The following SLAIN2 variants were observed in gnomAD, a reference collection of about 807,000 sequenced individuals.
SLAIN2 encodes SLAIN motif-containing protein 2.
Under a neutral mutation model 56.6 loss-of-function variants are expected in SLAIN2, and 31 were observed. That is an observed-to-expected ratio of 0.55 (90% CI 0.41 to 0.74). SLAIN2 has a LOEUF of 0.74. Among genes scored for constraint, SLAIN2 ranks in the 30% least tolerant of loss-of-function variants. The pLI is 0.00. For synonymous variants in SLAIN2, 317 were observed against 284.9 expected (o/e 1.11, Z -1.13); for missense variants, 777 against 754.2 (o/e 1.03, Z -0.35).
At chr4:48,405,977 T>A (rs1212187567) in intron 6 of SLAIN2, among the ~76,000 whole-genome samples, 2 of 152,336 alleles carry the variant, frequency 1.3e-5, no homozygotes, top group Non-Finnish European at 1.5e-5. Flanking sequence ...ACGTATTTTT[T>A]AATACATTTC....
intron 6 of SLAIN2, among the ~76,000 whole-genome samples, chr4:48,392,576 T>G (rs6848395): frequency 0.028 from 4,253 of 151,998 alleles, 66 homozygotes; most frequent in Admixed American, 0.045. Context: ...TTCAAACATA[T>G]CAGGCATGGT....
rs1716025651 is a variant in SLAIN2 at position 48,383,593 on chromosome 4, A to C, written c.1223-54A>C. ...ATTTTTGAATGCTAGTTAATATTTT[A>C]ATTTTCTCCATCTGAAAGAATATGA... On this transcript the variant is annotated intron_variant, in intron 5 of 7. Coordinates refer to ENST00000264313, the MANE Select transcript of SLAIN2 (RefSeq NM_020846.2). The C allele has an allele frequency of 1.3e-5, 18 of 1,414,394 alleles. 1 individual carries two copies. The South Asian group carries it at 2.7e-4, about 22-fold the overall frequency. 87.6% of individuals were successfully genotyped at this position (1,414,394 alleles called of 1,614,324 possible). A position where few individuals can be genotyped will look rare whatever the true frequency, so the allele number is the denominator to read the frequency against.
intron 6 of SLAIN2, among the ~76,000 whole-genome samples, chr4:48,384,678 A>G (rs1452277230): frequency 3.3e-4 from 50 of 152,176 alleles, no homozygotes. Flanking sequence ...GTGGTTACTA[A>G]CCCATGAATG....
intron 2 of SLAIN2, among the ~76,000 whole-genome samples, chr4:48,374,697 A>T (rs1394899855): frequency 6.6e-6 from 1 of 152,172 alleles, no homozygotes; most frequent in Non-Finnish European, 1.5e-5. Flanking sequence ...GCAAGAGTGA[A>T]TGTAGGATGC....
intron 1 of SLAIN2, among the ~76,000 whole-genome samples, chr4:48,363,471 G>C (rs1456502151): frequency 1.5e-5 from 1 of 65,546 alleles, no homozygotes; most frequent in Admixed American, 1.3e-4. Context: ...TCCCGGACGG[G>C]GCGGCTGGCC....
chr4:48,374,031 T>TC (rs1479724362), intron 2 of SLAIN2, among the ~76,000 whole-genome samples: 1 of 151,328 alleles, frequency 6.6e-6, no homozygotes, highest in African/African-American at 2.4e-5. Context: ...AGAGTGAAAC[T>TC]CCATCTCAGA....
intron 1 of SLAIN2, among the ~76,000 whole-genome samples, chr4:48,352,027 A>AC (rs1715024776): frequency 6.6e-6 from 1 of 152,244 alleles, no homozygotes; most frequent in African/African-American, 2.4e-5. Context: ...TTGTTAGGGA[A>AC]CAAGTGAGAA....
At chr4:48,394,766 T>G (rs1716335571) in intron 6 of SLAIN2, 1 of 708,320 alleles carries the variant, frequency 1.4e-6, no homozygotes, top group Non-Finnish European at 2.3e-6. Flanking sequence ...AGTCTTATTT[T>G]AAAGAATAAT....
intron 1 of SLAIN2, among the ~76,000 whole-genome samples, chr4:48,346,095 A>G (rs773480211): frequency 1.9e-4 from 29 of 152,330 alleles, no homozygotes; most frequent in Admixed American, 1.2e-3. Context: ...TAAAATAGCC[A>G]TTGCAGTTGA....
intron 6 of SLAIN2, among the ~76,000 whole-genome samples, chr4:48,402,127 G>A (rs1378502532): frequency 6.6e-6 from 1 of 151,876 alleles, no homozygotes; most frequent in African/African-American, 2.4e-5. Flanking sequence ...TAGTGTTTAT[G>A]CTGAGAGGTC....
intron 6 of SLAIN2, among the ~76,000 whole-genome samples, chr4:48,384,675 C>A (rs1716058404): frequency 6.6e-6 from 1 of 152,136 alleles, no homozygotes; most frequent in African/African-American, 2.4e-5. Context: ...TGGGTGGTTA[C>A]TAACCCATGA....
chr4:48,395,433 T>TA (rs1716350651), intron 6 of SLAIN2, among the ~76,000 whole-genome samples: 1 of 147,088 alleles, frequency 6.8e-6, no homozygotes, highest in Non-Finnish European at 1.5e-5. Flanking sequence ...AAGAAGAAAT[T>TA]AGATTTTTTT....
intron 1 of SLAIN2, among the ~76,000 whole-genome samples, chr4:48,366,047 T>A (rs1279713837): frequency 6.6e-6 from 1 of 152,260 alleles, no homozygotes; most frequent in African/African-American, 2.4e-5. Context: ...AGTTTCTGAT[T>A]TCCCTTGTGA....
At chr4:48,420,104 T>C (rs1194373690) in intron 6 of SLAIN2, 21 bp from the exon 7 acceptor site, 4 of 1,610,272 alleles carry the variant, frequency 2.5e-6, no homozygotes, top group Non-Finnish European at 3.4e-6. Context: ...CAAAAATTGG[T>C]TTTTCTTTGC....
chr4:48,356,094 AT>A (rs1474080724), intron 1 of SLAIN2, among the ~76,000 whole-genome samples: 4 of 152,214 alleles, frequency 2.6e-5, no homozygotes, highest in Admixed American at 6.5e-5. Context: ...TTGACAAACT[AT>A]TAAAAGTCAT....
At chr4:48,390,530 G>A (rs1199808726) in intron 6 of SLAIN2, among the ~76,000 whole-genome samples, 1 of 151,982 alleles carries the variant, frequency 6.6e-6, no homozygotes, top group African/African-American at 2.4e-5. Flanking sequence ...CAATTATCAT[G>A]AAACTAGTTA....
chr4:48,349,987 G>A (rs1714970046), intron 1 of SLAIN2, among the ~76,000 whole-genome samples: 1 of 152,012 alleles, frequency 6.6e-6, no homozygotes, highest in South Asian at 2.1e-4. Flanking sequence ...TATTGAACTG[G>A]GTAGCACCCA....
At chr4:48,359,232 T>G (rs1715252452) in intron 1 of SLAIN2, among the ~76,000 whole-genome samples, 1 of 152,196 alleles carries the variant, frequency 6.6e-6, no homozygotes, top group Non-Finnish European at 1.5e-5. Flanking sequence ...TTGAACGTTG[T>G]GAAGACAGTG....
intron 6 of SLAIN2, among the ~76,000 whole-genome samples, chr4:48,396,071 G>A (rs1716378246): frequency 6.6e-6 from 1 of 152,078 alleles, no homozygotes; most frequent in Non-Finnish European, 1.5e-5. Context: ...TCATGTTGCT[G>A]TGTTGATCAG....
Sources: allele counts gnomAD v4.1 joint callset (sites outside exome capture counted in the v4.1 genomes callset), GRCh38; gene constraint gnomAD v4.1.1; transcripts MANE v1.5; gene names NCBI Gene and HGNC (gene_info 2026-07-23, HGNC 2026-07-21).